THSD7A: variants seen among roughly 807,000 people sequenced by gnomAD.
The protein encoded by THSD7A is thrombospondin type 1 domain containing 7A, also known as thrombospondin type-1 domain-containing protein 7A.
In THSD7A, 96 loss-of-function variants were observed where a neutral mutation model predicts 231.3. That is an observed-to-expected ratio of 0.41 (90% confidence interval 0.35 to 0.49). THSD7A has a LOEUF of 0.49. Ranked by LOEUF, THSD7A falls within the 20% of genes least tolerant of loss-of-function variation. THSD7A has a pLI of 0.05. For missense variants in THSD7A, 2,290 were observed against 2,070.2 expected, an observed-to-expected ratio of 1.11 and a Z score of -2.06; for synonymous variants, 940 against 743.3, an observed-to-expected ratio of 1.26 and a Z score of -4.30.
intron 4 of THSD7A, among the ~76,000 whole-genome samples, chr7:11,560,784 T>G (rs62434476): frequency 0.018 from 2,638 of 144,554 alleles, 35 homozygotes; most frequent in Middle Eastern, 0.031. Context: ...CAACTACGGG[T>G]GTGTTCCTGG....
intron 4 of THSD7A, among the ~76,000 whole-genome samples, chr7:11,577,886 T>C (rs1035586804): frequency 1.3e-5 from 2 of 152,090 alleles, no homozygotes; most frequent in African/African-American, 4.8e-5. Flanking sequence ...TTCGCAAGGC[T>C]TCTGAATCAC....
rs1781890580 is a variant in THSD7A, at chr7:11,636,975, A to G, written c.191-14T>C. On this transcript the variant is annotated splice_polypyrimidine_tract_variant and intron_variant, in intron 1 of 27. Coordinates refer to ENST00000423059, the MANE Select transcript of THSD7A (RefSeq NM_015204.3). The surrounding 1 kb of genome is among the most constrained non-coding windows in gnomAD (Gnocchi z 10.0). Reference sequence around the variant, plus strand: ...GGCCCCATGGACCTACAAAAATTATAACACAAAAATTAGCAGTGCTACTAG... The same window carrying G: ...GGCCCCATGGACCTACAAAAATTATGACACAAAAATTAGCAGTGCTACTAG... The G allele has an allele frequency of 1.9e-6, 3 of 1,588,334 alleles. No homozygotes were observed. The highest frequency in any genetic ancestry group is 2.2e-5 in the South Asian group (2 of 88,992).
chr7:11,645,914 C>T (rs954056374), intron 1 of THSD7A, among the ~76,000 whole-genome samples: 1 of 149,576 alleles, frequency 6.7e-6, no homozygotes, highest in Non-Finnish European at 1.5e-5. Context: ...CAGTTAAACA[C>T]CCCCAAAAAA....
chr7:11,513,409 C>A (rs1350505910), intron 6 of THSD7A, among the ~76,000 whole-genome samples: 2 of 151,916 alleles, frequency 1.3e-5, no homozygotes, highest in Non-Finnish European at 2.9e-5. Flanking sequence ...AAATGTCCAT[C>A]AACAAATGAA....
chr7:11,533,388 A>G (rs1788784631), intron 6 of THSD7A, among the ~76,000 whole-genome samples: 1 of 152,216 alleles, frequency 6.6e-6, no homozygotes, highest in South Asian at 2.1e-4. Flanking sequence ...GAACAAAAGT[A>G]GAGCCTAATC....
intron 1 of THSD7A, among the ~76,000 whole-genome samples, chr7:11,737,043 A>G (rs986830322): frequency 1.3e-4 from 20 of 152,078 alleles, no homozygotes; most frequent in African/African-American, 4.8e-4. Context: ...TTCTGCCATG[A>G]TTGTAAGTTT....
At chr7:11,454,469 TC>T (rs1487361168) in intron 11 of THSD7A, among the ~76,000 whole-genome samples, 2 of 151,848 alleles carry the variant, frequency 1.3e-5, no homozygotes, top group Non-Finnish European at 2.9e-5. Context: ...AATGAGCTGT[TC>T]CTAAACATAA....
At chr7:11,572,995 G>C (rs988400440) in intron 4 of THSD7A, among the ~76,000 whole-genome samples, 4 of 152,120 alleles carry the variant, frequency 2.6e-5, no homozygotes, top group Admixed American at 1.3e-4. Flanking sequence ...CTGTCAAACA[G>C]TTTAATTATT....
intron 4 of THSD7A, among the ~76,000 whole-genome samples, chr7:11,585,932 T>C (rs1337974774): frequency 1.3e-5 from 2 of 152,130 alleles, no homozygotes; most frequent in Non-Finnish European, 2.9e-5. Context: ...ATCAATTTTT[T>C]TTTTCGCGTC....
chr7:11,498,459 C>T (rs976797612), intron 6 of THSD7A, among the ~76,000 whole-genome samples: 1 of 151,960 alleles, frequency 6.6e-6, no homozygotes, highest in African/African-American at 2.4e-5. Context: ...CTTGAGCTCT[C>T]CAGTTGACAG....
intron 17 of THSD7A, among the ~76,000 whole-genome samples, chr7:11,414,764 G>A (rs1453894520): frequency 6.6e-6 from 1 of 152,122 alleles, no homozygotes; most frequent in Non-Finnish European, 1.5e-5. Context: ...CTCCTCCCCT[G>A]CTTCCGTTGC....
At chr7:11,395,042 G>A (rs1783128049) in intron 23 of THSD7A, among the ~76,000 whole-genome samples, 1 of 151,778 alleles carries the variant, frequency 6.6e-6, no homozygotes, top group South Asian at 2.1e-4. Flanking sequence ...AACAAGTCAA[G>A]ACCCATTGGT....
chr7:11,439,147 T>G (rs1784724430), intron 13 of THSD7A, among the ~76,000 whole-genome samples: 1 of 152,008 alleles, frequency 6.6e-6, no homozygotes, highest in Non-Finnish European at 1.5e-5. Context: ...TGGGCTTTGA[T>G]TTTTTAATAG....
At chr7:11,733,585 T>G (rs995159600) in intron 1 of THSD7A, among the ~76,000 whole-genome samples, 4 of 151,670 alleles carry the variant, frequency 2.6e-5, no homozygotes, top group Non-Finnish European at 4.4e-5. Context: ...TGTAGAAAAA[T>G]GCACCCTGTG....
intron 6 of THSD7A, among the ~76,000 whole-genome samples, chr7:11,530,341 G>A (rs1375932985): frequency 3.9e-5 from 6 of 152,260 alleles, no homozygotes; most frequent in Non-Finnish European, 7.4e-5. Context: ...AATTTGCAGT[G>A]AGGGCAATAA....
At chr7:11,652,220 C>G (rs1782531528) in intron 1 of THSD7A, among the ~76,000 whole-genome samples, 1 of 151,536 alleles carries the variant, frequency 6.6e-6, no homozygotes, top group Non-Finnish European at 1.5e-5. Flanking sequence ...TAAAGTTGTA[C>G]AGCAATTAAT....
intron 26 of THSD7A, chr7:11,376,899 C>G (rs1392197003): frequency 6.1e-6 from 2 of 327,618 alleles, no homozygotes; most frequent in African/African-American, 4.2e-5. Context: ...CTTCAGATTT[C>G]AAGTTTCTTT....
At chr7:11,402,884 G>A (rs925273993) in intron 22 of THSD7A, among the ~76,000 whole-genome samples, 6 of 152,132 alleles carry the variant, frequency 3.9e-5, no homozygotes, top group African/African-American at 1.4e-4. Context: ...GTGGGGAGTT[G>A]TAAATTTTTC....
At chr7:11,825,507 G>C (rs780051224) in intron 1 of THSD7A, among the ~76,000 whole-genome samples, 1 of 152,042 alleles carries the variant, frequency 6.6e-6, no homozygotes. Flanking sequence ...CTTAAGAGAA[G>C]GCTAATGCAC....
Sources: gnomAD v4.1 joint callset for allele counts (sites outside exome capture counted in the v4.1 genomes callset) on GRCh38, gnomAD v4.1.1 for gene constraint, Gnocchi (gnomAD v3.1) non-coding constraint, MANE v1.5 for transcripts, NCBI Gene and HGNC (gene_info 2026-07-23, HGNC 2026-07-21) for gene names.